Variants in LRRC19 observed in about 807,000 individuals in gnomAD.
LRRC19 encodes the protein leucine-rich repeat-containing protein 19.
LRRC19 carries 33 observed loss-of-function variants against 33.3 expected under a neutral mutation model. The ratio of observed to expected loss-of-function variants is 0.99; its 90% CI spans 0.75 to 1.33. LRRC19 has a LOEUF of 1.33. LRRC19 is among the 40% of genes most tolerant of loss of function. LRRC19 has a pLI of 0.00. For missense variants in LRRC19, 463 were observed against 417.3 expected, an observed-to-expected ratio of 1.11 and a Z score of -0.95; for synonymous variants, 184 against 152.3, an observed-to-expected ratio of 1.21 and a Z score of -1.53.
In LRRC19 at chr9:27,001,890, C is replaced by A. The variant is rs1010959815; in HGVS notation, c.-9-2187G>T. Among the ~76,000 whole-genome samples the A allele has an allele frequency of 5.4e-4, 81 of 150,912 alleles. 1 individual carries two copies. The highest frequency in any genetic ancestry group is 4.4e-5 in the Non-Finnish European group (3 of 67,870). ...TGAGGTCTTAGAGACACAAAAAAAT[C>A]TTTGTCCAGGCCAGTGTTCTAGAGC... is the stretch of plus-strand genomic sequence containing the variant. On this transcript the variant is annotated intron_variant, in intron 1 of 4. Transcript: ENST00000380055.
intron 1 of LRRC19, among the ~76,000 whole-genome samples, chr9:27,000,516 G>A (rs188141130): frequency 1.3e-5 from 2 of 152,146 alleles, no homozygotes; most frequent in African/African-American, 2.4e-5. Flanking sequence ...TTATTGAGGC[G>A]TGGTAGATAT....
At chr9:26,997,623 T>G in intron 3 of LRRC19, 105 bp downstream of exon 3, 1 of 1,237,434 alleles carries the variant, frequency 8.1e-7, no homozygotes, top group African/African-American at 1.5e-5. Flanking sequence ...CATGAGCCAC[T>G]GCGCCTGGCT....
Position 26,993,233 on chromosome 9 carries a change from A to G in LRRC19, c.*2288T>C, listed in dbSNP as rs1027027255. ...TTAAGTGTAGTCTTTGCTCATTTGC[A>G]ATTATATTTCATTTTGCTACATTTC... On this transcript the variant is annotated 3_prime_UTR_variant, in exon 5 of 5. Coordinates refer to ENST00000380055, the MANE Select transcript of LRRC19 (RefSeq NM_022901.3). 6.6e-6 allele frequency: 1 copy of G among 152,138 alleles called. No homozygotes were observed. Among genetic ancestry groups the G allele is most frequent in the Non-Finnish European group, 1.5e-5 (1 of 68,010 alleles). The allele number at this position is 152,138 out of a possible 1,614,324, so 9.4% of individuals were successfully genotyped here. A position where few individuals can be genotyped will look rare whatever the true frequency, so the allele number is the denominator to read the frequency against.
chr9:27,003,841 T>C (rs1209421313), intron 1 of LRRC19, among the ~76,000 whole-genome samples: 6 of 152,228 alleles, frequency 3.9e-5, no homozygotes, highest in Non-Finnish European at 8.8e-5. Flanking sequence ...TGATTGCCCA[T>C]AGAAGAGGGA....
rs991357401 is a variant in LRRC19, at chr9:26,999,530, T to C, written c.81+84A>G. On this transcript the variant is annotated intron_variant, in intron 2 of 4. Transcript: ENST00000380055. Reference sequence around the variant, plus strand: ...TTAGTAGGTCAGATTTTCTTTGCTTTCTTATTGCCCTTTTATATTTTACTA... The same window carrying C: ...TTAGTAGGTCAGATTTTCTTTGCTTCCTTATTGCCCTTTTATATTTTACTA... The C allele has an allele frequency of 3.9e-6, 4 of 1,017,238 alleles. No individual in the cohort carries two copies. The African/African-American group carries it at 6.7e-5, about 17-fold the overall frequency. The allele number at this position is 1,017,238 out of a possible 1,614,324, so 63.0% of individuals were successfully genotyped here.
chr9:26,997,888 T>A lies in LRRC19; in HGVS notation c.435A>T (p.Arg145Ser), dbSNP rs1828248361. 3 of 1,614,184 alleles carry A rather than the reference T, an allele frequency of 1.9e-6. No homozygotes were observed. Among genetic ancestry groups the A allele is most frequent in the Middle Eastern group, 1.6e-4 (1 of 6,062 alleles). Residue 145 changes from arginine (R) to serine (S), a missense_variant, in exon 3 of 5, where the codon AGA (arginine) becomes AGT (serine). By Grantham distance (110) the Arg-to-Ser change is moderately radical (BLOSUM62 -1). Transcript: ENST00000380055. ...CTTGCAGATTCAGAAGTTTTAGGCT[T>A]CTTAGAGGCACAAATACATCAGCAT... ...QLNADVFVPL[R>S]SLKLLNLQGN...
At position 26,995,555 on chromosome 9, in the gene LRRC19, T is replaced by G; in HGVS notation, c.1079A>C (p.Tyr360Ser). 2 of 1,595,472 alleles carry G rather than the reference T, an allele frequency of 1.3e-6. No individual in the cohort carries two copies. The highest frequency in any genetic ancestry group is 3.4e-4 in the Middle Eastern group (2 of 5,920). ...TTCACATAATTCATGGATATCTATA[T>G]ATTTGTCTTCAATAAATCCATCATC... ...VDDDGFIEDKYIDIHELCEEN is the reference protein window; with the variant it reads ...VDDDGFIEDKSIDIHELCEEN The change falls in exon 5 of 5, where the codon TAT becomes TCT. Residue 360 changes from tyrosine to serine, a missense_variant. Coordinates refer to ENST00000380055, the MANE Select transcript of LRRC19 (RefSeq NM_022901.3).
Position 26,995,260 on chromosome 9 carries a change from G to T in LRRC19, c.*261C>A, listed in dbSNP as rs528969949. 6.6e-5 allele frequency: 17 copies of T among 257,858 alleles called. No individual in the cohort carries two copies. The highest frequency in any genetic ancestry group is 3.9e-4 in the Admixed American group (8 of 20,608). 16.0% of individuals were successfully genotyped at this position (257,858 alleles called of 1,614,324 possible). ...ATAATTTAGACCTTTTTACTAGTTC[G>T]TATGGTCACCCAAGCACTGCTAAGA... is the stretch of plus-strand genomic sequence containing the variant. On this transcript the variant is annotated 3_prime_UTR_variant, in exon 5 of 5. Transcript: ENST00000380055.
chr9:26,995,924 T>C (rs1352155847), intron 4 of LRRC19, 75 bp from the exon 5 acceptor site: 1 of 1,021,934 alleles, frequency 9.8e-7, no homozygotes, highest in African/African-American at 1.6e-5. Context: ...TTATATATCC[T>C]AATTCTCCTC....
At chr9:27,005,447 T>G (rs1045653147) in intron 1 of LRRC19, 145 bp downstream of exon 1, 4 of 149,328 alleles carry the variant, frequency 2.7e-5, no homozygotes, top group Non-Finnish European at 5.9e-5. Context: ...ATAGTATTTT[T>G]GAGGTAGACC....
Position 26,995,820 on chromosome 9 carries a change from A to C in LRRC19, c.814T>G (p.Phe272Val). The change falls in exon 5 of 5, where the codon TTT becomes GTT. Residue 272 changes from phenylalanine (F) to valine (V), a missense_variant. Coordinates refer to ENST00000380055, the MANE Select transcript of LRRC19 (RefSeq NM_022901.3). Reference protein sequence around the residue: ...EHEPLGKSWAFLVGVVVTVLT... With the variant: ...EHEPLGKSWAVLVGVVVTVLT... Reference sequence around the variant, plus strand: ...ACAGTGACAACAACACCAACAAGAAAAGCCCAACTTTTTCCAAGAGGTTCA... The same window carrying C: ...ACAGTGACAACAACACCAACAAGAACAGCCCAACTTTTTCCAAGAGGTTCA... The C allele has an allele frequency of 6.2e-7, 1 of 1,605,406 alleles. No individual in the cohort carries two copies. Among genetic ancestry groups the C allele is most frequent in the Non-Finnish European group, 8.5e-7 (1 of 1,175,434 alleles).
rs1563958433 is a variant in LRRC19, at chr9:26,995,243, G to A, written c.*278C>T. The A allele has an allele frequency of 1.3e-5, 3 of 223,280 alleles. No homozygotes were observed. Among genetic ancestry groups the A allele is most frequent in the Non-Finnish European group, 8.9e-6 (1 of 112,726 alleles). The allele number at this position is 223,280 out of a possible 1,614,324, so 13.8% of individuals were successfully genotyped here. On this transcript the variant is annotated 3_prime_UTR_variant, in exon 5 of 5. Transcript: ENST00000380055. ...TTCATTTTAATTCATGAATAATTTA[G>A]ACCTTTTTACTAGTTCGTATGGTCA...
In LRRC19 at chr9:26,995,862, A is replaced by AAAAGTTGGAAAAGCCCAACTTTTT; in HGVS notation, c.785-14_785-13insAAAAAGTTGGGCTTTTCCAACTTT. ...AGAGGTTCATGTTCTTTAATGGAATACCAAGAGAGGAGAGAGAAAGAAAAT... is the reference window on the plus strand; with the variant it reads ...AGAGGTTCATGTTCTTTAATGGAATAAAAGTTGGAAAAGCCCAACTTTTTCCAAGAGAGGAGAGAGAAAGAAAAT... On this transcript the variant is annotated splice_polypyrimidine_tract_variant and intron_variant, in intron 4 of 4. Coordinates refer to ENST00000380055, the MANE Select transcript of LRRC19 (RefSeq NM_022901.3). 3.2e-6 allele frequency: 5 copies of AAAAGTTGGAAAAGCCCAACTTTTT among 1,571,572 alleles called. No individual in the cohort carries two copies. Among genetic ancestry groups the AAAAGTTGGAAAAGCCCAACTTTTT allele is most frequent in the Non-Finnish European group, 4.3e-6 (5 of 1,159,428 alleles).
intron 1 of LRRC19, among the ~76,000 whole-genome samples, chr9:27,000,382 G>C (rs780615955): frequency 6.6e-6 from 1 of 152,074 alleles, no homozygotes; most frequent in Non-Finnish European, 1.5e-5. Flanking sequence ...TATATTGATG[G>C]TCTTGATTTT....
At chr9:27,002,398 A>G (rs1230877681) in intron 1 of LRRC19, among the ~76,000 whole-genome samples, 1 of 152,248 alleles carries the variant, frequency 6.6e-6, no homozygotes, top group Non-Finnish European at 1.5e-5. Flanking sequence ...TCAGCCCTCC[A>G]GTGTTTTCTT....
intron 1 of LRRC19, among the ~76,000 whole-genome samples, chr9:27,003,784 A>G (rs1828630678): frequency 6.6e-6 from 1 of 152,188 alleles, no homozygotes; most frequent in South Asian, 2.1e-4. Context: ...TCATAATAGA[A>G]TCCCTTTTAG....
In LRRC19 at chr9:26,995,812, A is replaced by G; in HGVS notation, c.822T>C (p.Val274=). The G allele has an allele frequency of 1.2e-6, 2 of 1,607,646 alleles. No homozygotes were observed. The change falls in exon 5 of 5, where the codon GTT becomes GTC. Residue 274 remains valine, a synonymous_variant. Transcript: ENST00000380055. ...TCGTCAGTACAGTGACAACAACACC[A>G]ACAAGAAAAGCCCAACTTTTTCCAA... The part of the protein sequence containing the change: ...EPLGKSWAFL[V]GVVVTVLTTS...
chr9:27,001,588 G>GT (rs201282669), intron 1 of LRRC19, among the ~76,000 whole-genome samples: 7,277 of 152,116 alleles, frequency 0.048, 229 homozygotes, highest in South Asian at 0.13. Context: ...CCACATACTT[G>GT]TTTGTCTTTT....
Position 26,999,804 on chromosome 9 carries a change from G to T in LRRC19, c.-9-101C>A. On this transcript the variant is annotated intron_variant, in intron 1 of 4. Coordinates refer to ENST00000380055, the MANE Select transcript of LRRC19 (RefSeq NM_022901.3). ...TTTTTTTTTTTTTGGCTGAGACAGGGTCTCACTCTGTCACACAGACCTGGT... is the reference window on the plus strand; with the variant it reads ...TTTTTTTTTTTTTGGCTGAGACAGGTTCTCACTCTGTCACACAGACCTGGT... The T allele has an allele frequency of 6.0e-6, 4 of 661,778 alleles. No homozygotes were observed. The South Asian group carries it at 7.0e-5, about 12-fold the overall frequency. The allele number at this position is 661,778 out of a possible 1,614,324, so 41.0% of individuals were successfully genotyped here.
Sources: allele counts gnomAD v4.1 joint callset (sites outside exome capture counted in the v4.1 genomes callset), GRCh38; gene constraint gnomAD v4.1.1; transcripts MANE v1.5; gene names NCBI Gene and HGNC (gene_info 2026-07-23, HGNC 2026-07-21).